The following LRMDA variants were observed in gnomAD, a reference collection of about 807,000 sequenced individuals.
LRMDA encodes the protein leucine rich melanocyte differentiation associated.
In LRMDA, 18 loss-of-function variants were observed where a neutral mutation model predicts 29.8. The ratio of observed to expected loss-of-function variants is 0.60; its 90% CI spans 0.42 to 0.90. The LOEUF is 0.90. LRMDA is among the 40% of genes least tolerant of loss of function. The pLI is 0.00. For missense variants in LRMDA, 273 were observed against 273.9 expected (o/e 1.00, Z 0.02); for synonymous variants, 125 against 109.4 (o/e 1.14, Z -0.89).
chr10:76,410,773 G>A (rs1412735255), intron 6 of LRMDA, among the ~76,000 whole-genome samples: 2 of 152,104 alleles, frequency 1.3e-5, no homozygotes, highest in Non-Finnish European at 2.9e-5. Context: ...GGCCAACATG[G>A]TGAAACCCTG....
At chr10:76,503,443 A>C (rs193160654) in intron 6 of LRMDA, among the ~76,000 whole-genome samples, 2 of 147,260 alleles carry the variant, frequency 1.4e-5, no homozygotes, top group Non-Finnish European at 3.0e-5. Context: ...CTGAGAATCT[A>C]TCTGGTCTGG....
At chr10:76,478,136 T>G (rs1842696664) in intron 6 of LRMDA, among the ~76,000 whole-genome samples, 2 of 152,082 alleles carry the variant, frequency 1.3e-5, no homozygotes, top group South Asian at 2.1e-4. Context: ...GGGAAAAAAT[T>G]TTTGCAATCT....
At chr10:75,922,720 G>A (rs1281400600) in intron 2 of LRMDA, among the ~76,000 whole-genome samples, 1 of 152,168 alleles carries the variant, frequency 6.6e-6, no homozygotes, top group East Asian at 1.9e-4. Flanking sequence ...TCTCAGCAAT[G>A]TCCTGAGGGT....
intron 6 of LRMDA, among the ~76,000 whole-genome samples, chr10:76,333,073 T>C (rs540387303): frequency 6.6e-6 from 1 of 152,248 alleles, no homozygotes; most frequent in South Asian, 2.1e-4. Context: ...CACTGAGCTT[T>C]GAAGAACATG....
At chr10:76,241,528 T>C (rs1852277196) in intron 5 of LRMDA, among the ~76,000 whole-genome samples, 1 of 152,240 alleles carries the variant, frequency 6.6e-6, no homozygotes, top group Admixed American at 6.5e-5. Context: ...ATCTTTTTTT[T>C]CTCACAGCAG....
intron 2 of LRMDA, among the ~76,000 whole-genome samples, chr10:75,964,895 G>T (rs1846830239): frequency 6.6e-6 from 1 of 152,174 alleles, no homozygotes; most frequent in African/African-American, 2.4e-5. Flanking sequence ...CTCCCAAGTA[G>T]CTGGGATTAC....
In LRMDA at chr10:75,461,117, G is replaced by T. The variant is rs1040363679; in HGVS notation, c.131+22623G>T. ...TAAGAGCATACCAATTTATTTAATA[G>T]AAATTTTACGTGACACAGGAGTCTT... On this transcript the variant is annotated intron_variant, in intron 2 of 6. Coordinates refer to ENST00000611255, the MANE Select transcript of LRMDA (RefSeq NM_001305581.2). 7.9e-5 allele frequency among the ~76,000 whole-genome samples: 12 copies of T among 152,260 alleles called. 1 individual carries two copies. The South Asian group carries it at 1.0e-3, about 13-fold the overall frequency.
intron 2 of LRMDA, among the ~76,000 whole-genome samples, chr10:75,874,264 A>C (rs1413487394): frequency 6.6e-6 from 1 of 152,198 alleles, no homozygotes; most frequent in Non-Finnish European, 1.5e-5. Context: ...AGCATTTTAC[A>C]CTTTAGAAAG....
intron 5 of LRMDA, among the ~76,000 whole-genome samples, chr10:76,214,879 T>C (rs146635250): frequency 3.3e-5 from 5 of 152,324 alleles, no homozygotes; most frequent in African/African-American, 1.2e-4. Context: ...TTTTCTGCTA[T>C]TGGAGTTGAA....
intron 2 of LRMDA, among the ~76,000 whole-genome samples, chr10:75,456,872 C>T (rs996892226): frequency 3.1e-4 from 47 of 152,156 alleles, no homozygotes; most frequent in African/African-American, 1.0e-3. Flanking sequence ...GTCAGGGTTT[C>T]ACCATTTTGG....
intron 2 of LRMDA, among the ~76,000 whole-genome samples, chr10:75,701,339 G>A (rs528621222): frequency 6.6e-6 from 1 of 152,324 alleles, no homozygotes; most frequent in Non-Finnish European, 1.5e-5. Flanking sequence ...CAATCAAGAT[G>A]CCCACACCTA....
intron 1 of LRMDA, among the ~76,000 whole-genome samples, chr10:75,434,806 C>A (rs1414073404): frequency 1.3e-5 from 2 of 152,144 alleles, no homozygotes; most frequent in Non-Finnish European, 2.9e-5. Context: ...GGGTAGGCAT[C>A]AAAAAATAAT....
chr10:75,687,078 C>T lies in LRMDA; in HGVS notation c.131+248584C>T, dbSNP rs1416003944. Among the ~76,000 whole-genome samples, 7 of 152,152 alleles carry T rather than the reference C, an allele frequency of 4.6e-5. No individual in the cohort carries two copies. The East Asian group carries it at 1.3e-3, about 29-fold the overall frequency. Reference sequence around the variant, plus strand: ...CATCCCTGTCCCTCTCCTCAGGCCTCCTCATTCTCTGAGACAAAACAATAT... The same window carrying T: ...CATCCCTGTCCCTCTCCTCAGGCCTTCTCATTCTCTGAGACAAAACAATAT... On this transcript the variant is annotated intron_variant, in intron 2 of 6. Coordinates refer to ENST00000611255, the MANE Select transcript of LRMDA (RefSeq NM_001305581.2).
At chr10:75,628,807 T>C (rs1418515252) in intron 2 of LRMDA, among the ~76,000 whole-genome samples, 1 of 152,132 alleles carries the variant, frequency 6.6e-6, no homozygotes, top group Admixed American at 6.5e-5. Flanking sequence ...TGGCCATGCA[T>C]GTGCCACTGG....
intron 5 of LRMDA, among the ~76,000 whole-genome samples, chr10:76,118,321 C>T (rs1169578120): frequency 6.6e-6 from 1 of 152,082 alleles, no homozygotes; most frequent in Non-Finnish European, 1.5e-5. Flanking sequence ...TAAGGGAGCC[C>T]TTGGGAGTGG....
At chr10:76,153,959 C>G (rs1224450437) in intron 5 of LRMDA, among the ~76,000 whole-genome samples, 1 of 152,160 alleles carries the variant, frequency 6.6e-6, no homozygotes, top group African/African-American at 2.4e-5. Flanking sequence ...GTTTAGAAGT[C>G]TTAGGTTGCT....
intron 5 of LRMDA, among the ~76,000 whole-genome samples, chr10:76,313,684 T>G (rs1840657229): frequency 6.6e-6 from 1 of 152,208 alleles, no homozygotes; most frequent in South Asian, 2.1e-4. Flanking sequence ...GGAAAAAAAG[T>G]GTGTGTGTAT....
At chr10:75,938,351 G>A (rs538428024) in intron 2 of LRMDA, among the ~76,000 whole-genome samples, 8 of 152,320 alleles carry the variant, frequency 5.3e-5, no homozygotes, top group East Asian at 1.9e-4. Context: ...GAGAGGAGCC[G>A]ATAAAGAACA....
intron 2 of LRMDA, among the ~76,000 whole-genome samples, chr10:75,770,906 A>G (rs189738794): frequency 5.4e-4 from 82 of 152,306 alleles, no homozygotes; most frequent in African/African-American, 1.9e-3. Flanking sequence ...GATAGCTGTG[A>G]GTAATGGGGT....
Sources: allele counts gnomAD v4.1 joint callset (sites outside exome capture counted in the v4.1 genomes callset), GRCh38; gene constraint gnomAD v4.1.1; transcripts MANE v1.5; gene names NCBI Gene and HGNC (gene_info 2026-07-23, HGNC 2026-07-21).